SNX29: variants seen among roughly 807,000 people sequenced by gnomAD.
The protein encoded by SNX29 is sorting nexin 29.
SNX29 carries 78 observed loss-of-function variants against 102.1 expected under a neutral mutation model. The ratio of observed to expected loss-of-function variants is 0.76; its 90% confidence interval spans 0.64 to 0.92. The LOEUF is 0.92. Ranked by LOEUF, SNX29 falls within the 40% of genes least tolerant of loss-of-function variation. SNX29 has a pLI of 0.00. For missense variants in SNX29, 1,280 were observed against 1,061.7 expected (o/e 1.21, Z -2.86); for synonymous variants, 580 against 414.5 (o/e 1.40, Z -4.85).
intron 19 of SNX29, among the ~76,000 whole-genome samples, chr16:12,496,436 G>T (rs1429135273): frequency 1.3e-5 from 2 of 151,374 alleles, no homozygotes; most frequent in Non-Finnish European, 2.9e-5. Flanking sequence ...TGGAGGCTGG[G>T]CCCTTCGCTG....
At chr16:12,404,249 C>T (rs572191730) in intron 18 of SNX29, among the ~76,000 whole-genome samples, 6 of 152,234 alleles carry the variant, frequency 3.9e-5, no homozygotes, top group African/African-American at 9.6e-5. Context: ...TACGGATAGC[C>T]GCACCCAGGT....
At chr16:12,243,984 G>A (rs895033443) in intron 14 of SNX29, among the ~76,000 whole-genome samples, 5 of 152,168 alleles carry the variant, frequency 3.3e-5, no homozygotes, top group Non-Finnish European at 7.3e-5. Flanking sequence ...CTGGTGGTGG[G>A]GGTGGTGGTT....
intron 18 of SNX29, among the ~76,000 whole-genome samples, chr16:12,434,101 C>T (rs559299151): frequency 1.3e-5 from 2 of 152,250 alleles, no homozygotes; most frequent in South Asian, 2.1e-4. Context: ...TTATTTCATG[C>T]CATTTGACAT....
chr16:12,283,494 A>T (rs925311452), intron 15 of SNX29, among the ~76,000 whole-genome samples: 4 of 151,726 alleles, frequency 2.6e-5, no homozygotes, highest in African/African-American at 9.7e-5. Flanking sequence ...TAATTTTTGT[A>T]TTTTTAGTAG....
At chr16:12,560,627 TC>T (rs1197187839) in intron 20 of SNX29, 1 of 153,624 alleles carries the variant, frequency 6.5e-6, no homozygotes, top group Non-Finnish European at 1.5e-5. Context: ...CCTTGTCACA[TC>T]CCCACCTTGT....
chr16:12,569,786 C>T lies in SNX29; in HGVS notation c.*1157C>T, dbSNP rs77128678. On this transcript the variant is annotated 3_prime_UTR_variant, in exon 21 of 21. Transcript: ENST00000566228. ...TCAGAGCACCTCACAGAGCAATAGCCGTCCTCAGATGCTCAGCAAAGTTGT... is the reference window on the plus strand; with the variant it reads ...TCAGAGCACCTCACAGAGCAATAGCTGTCCTCAGATGCTCAGCAAAGTTGT... The T allele has an allele frequency of 3.8e-4, 87 of 230,256 alleles. 1 individual carries two copies. Among genetic ancestry groups the T allele is most frequent in the East Asian group, 3.5e-3 (56 of 16,220 alleles). The allele number at this position is 230,256 out of a possible 1,614,324, so 14.3% of individuals were successfully genotyped here. A position where few individuals can be genotyped will look rare whatever the true frequency, so the allele number is the denominator to read the frequency against.
At chr16:12,073,734 T>C (rs1197727577) in intron 10 of SNX29, among the ~76,000 whole-genome samples, 3 of 152,208 alleles carry the variant, frequency 2.0e-5, no homozygotes, top group African/African-American at 7.2e-5. Context: ...GTTGACTTTC[T>C]GTCTCGTTGA....
intron 19 of SNX29, among the ~76,000 whole-genome samples, chr16:12,521,793 G>T (rs534744291): frequency 6.6e-6 from 1 of 152,326 alleles, no homozygotes; most frequent in East Asian, 1.9e-4. Context: ...AGCAGAACCA[G>T]CATTCAGACT....
At chr16:12,545,979 C>T (rs142385013) in intron 20 of SNX29, among the ~76,000 whole-genome samples, 12 of 152,136 alleles carry the variant, frequency 7.9e-5, no homozygotes, top group African/African-American at 2.4e-4. Context: ...CTTCAGTGGG[C>T]ACTGTAGTTT....
chr16:11,991,028 A>G (rs540428635), intron 1 of SNX29, among the ~76,000 whole-genome samples: 1 of 152,300 alleles, frequency 6.6e-6, no homozygotes, highest in South Asian at 2.1e-4. Context: ...TAAAATATTG[A>G]CTGCGGGACT....
chr16:12,008,281 T>A (rs1267966876), intron 3 of SNX29, among the ~76,000 whole-genome samples: 1 of 151,216 alleles, frequency 6.6e-6, no homozygotes, highest in Admixed American at 6.6e-5. Context: ...TTTTTTTTCT[T>A]TTTTTGAGAT....
intron 11 of SNX29, among the ~76,000 whole-genome samples, chr16:12,120,830 C>T (rs1011059866): frequency 6.6e-6 from 1 of 152,152 alleles, no homozygotes; most frequent in African/African-American, 2.4e-5. Context: ...ACCGTGTCCC[C>T]TCCTCCCCAT....
chr16:12,316,759 C>T (rs2080759328), intron 15 of SNX29, among the ~76,000 whole-genome samples: 1 of 152,166 alleles, frequency 6.6e-6, no homozygotes, highest in African/African-American at 2.4e-5. Context: ...TTCTCTGCAT[C>T]CTCTTCCCTC....
intron 4 of SNX29, among the ~76,000 whole-genome samples, chr16:12,037,904 A>G (rs2057520821): frequency 6.6e-6 from 1 of 152,076 alleles, no homozygotes; most frequent in Non-Finnish European, 1.5e-5. Context: ...GCAGTAAACT[A>G]TGATTGTGCC....
rs554912694 is a variant in SNX29 at position 12,303,872 on chromosome 16, T to G, written c.1782+25836T>G. On this transcript the variant is annotated intron_variant, in intron 15 of 20. Transcript: ENST00000566228. ...TGAGTCCTTGAGAATGACGTGCACC[T>G]TCTGGTTTATCACAGTACTTAGCTG... Among the ~76,000 whole-genome samples, 40 of 152,314 alleles carry G rather than the reference T, an allele frequency of 2.6e-4. 1 individual carries two copies. In the Middle Eastern group the frequency reaches 0.01, roughly 39 times the overall value.
At chr16:12,041,580 C>G (rs1052221718) in intron 4 of SNX29, among the ~76,000 whole-genome samples, 2 of 152,232 alleles carry the variant, frequency 1.3e-5, no homozygotes, top group Non-Finnish European at 2.9e-5. Context: ...GGCTTCAGGG[C>G]TGAATCCGTT....
intron 18 of SNX29, among the ~76,000 whole-genome samples, chr16:12,406,668 G>A (rs2084178973): frequency 6.6e-6 from 1 of 152,196 alleles, no homozygotes; most frequent in Admixed American, 6.5e-5. Flanking sequence ...AGCACTTTGG[G>A]AGGCCGAGAT....
chr16:12,270,015 C>T (rs981666920), intron 14 of SNX29, among the ~76,000 whole-genome samples: 1 of 152,074 alleles, frequency 6.6e-6, no homozygotes, highest in African/African-American at 2.4e-5. Context: ...CACGCACCAC[C>T]ACGCCCAGCT....
chr16:12,561,004 T>G, intron 20 of SNX29: 1 of 217,556 alleles, frequency 4.6e-6, no homozygotes, highest in Non-Finnish European at 9.3e-6. Context: ...CATTTCTGGA[T>G]CAGTTGTGGA....
Sources: gnomAD v4.1 joint callset for allele counts (sites outside exome capture counted in the v4.1 genomes callset) on GRCh38, gnomAD v4.1.1 for gene constraint, MANE v1.5 for transcripts, NCBI Gene and HGNC (gene_info 2026-07-23, HGNC 2026-07-21) for gene names.